Variants in MOB1B observed in about 807,000 individuals in gnomAD.
MOB1B encodes MOB kinase activator 1B, also known as MOB1 Mps One Binder homolog B.
MOB1B carries 19 observed loss-of-function variants against 24.4 expected under a neutral mutation model. The observed-to-expected ratio is 0.78, with a 90% CI of 0.54 to 1.14. The LOEUF (loss-of-function observed/expected upper bound fraction) is 1.14. MOB1B is among the 50% of genes most tolerant of loss of function. The pLI, the probability that MOB1B is intolerant of heterozygous loss-of-function variation, is 0.00. For missense variants in MOB1B, 243 were observed against 259.6 expected (o/e 0.94, Z 0.44); for synonymous variants, 76 against 82.1 (o/e 0.93, Z 0.40).
At chr4:70,928,441 G>A (rs1004463652) in intron 1 of MOB1B, among the ~76,000 whole-genome samples, 4 of 151,716 alleles carry the variant, frequency 2.6e-5, no homozygotes, top group African/African-American at 9.7e-5. Context: ...GATTACAGGC[G>A]CGTGCCACCA....
At position 70,982,831 on chromosome 4, in the gene MOB1B, T is replaced by G. The variant is rs1392017744; in HGVS notation, c.*774T>G. On this transcript the variant is annotated 3_prime_UTR_variant, in exon 6 of 6. Coordinates refer to ENST00000309395, the MANE Select transcript of MOB1B (RefSeq NM_173468.4). ...TGCACTGTAGATGTAAAAATTCAGG[T>G]TATATATAGGATTGCCATCTTCAGA... 1 of 152,544 alleles carries G rather than the reference T, an allele frequency of 6.6e-6. No individual in the cohort carries two copies. The highest frequency in any genetic ancestry group is 2.4e-5 in the African/African-American group (1 of 41,442). The allele number at this position is 152,544 out of a possible 1,614,324, so 9.4% of individuals were successfully genotyped here. A position where few individuals can be genotyped will look rare whatever the true frequency, so the allele number is the denominator to read the frequency against.
intron 4 of MOB1B, among the ~76,000 whole-genome samples, chr4:70,977,210 ATTTG>A (rs1392443653): frequency 6.6e-6 from 1 of 152,064 alleles, no homozygotes; most frequent in African/African-American, 2.4e-5. Context: ...AATCTTTTAT[ATTTG>A]TTTTATTTGT....
intron 1 of MOB1B, among the ~76,000 whole-genome samples, chr4:70,905,828 G>A (rs1287289751): frequency 1.3e-5 from 2 of 152,036 alleles, no homozygotes; most frequent in Non-Finnish European, 2.9e-5. Context: ...ACTTTGGGAG[G>A]CTGAGGTGAG....
intron 1 of MOB1B, among the ~76,000 whole-genome samples, chr4:70,946,765 C>T (rs910850241): frequency 6.6e-6 from 1 of 151,468 alleles, no homozygotes; most frequent in African/African-American, 2.4e-5. Flanking sequence ...GTGCTTTTTC[C>T]AAAGAGGGTT....
intron 1 of MOB1B, among the ~76,000 whole-genome samples, chr4:70,910,461 G>A (rs900252808): frequency 6.6e-6 from 1 of 151,324 alleles, no homozygotes; most frequent in Non-Finnish European, 1.5e-5. Flanking sequence ...ATGTGTGTAT[G>A]TATATCTATA....
rs1739290880 is a variant in MOB1B, at chr4:70,983,706, C to T, written c.*1649C>T. The T allele has an allele frequency of 6.6e-6, 1 of 152,512 alleles. No individual in the cohort carries two copies. Among genetic ancestry groups the T allele is most frequent in the Non-Finnish European group, 1.5e-5 (1 of 67,972 alleles). The allele number at this position is 152,512 out of a possible 1,614,324, so 9.4% of individuals were successfully genotyped here. On this transcript the variant is annotated 3_prime_UTR_variant, in exon 6 of 6. Transcript: ENST00000309395. The stretch of plus-strand genomic sequence containing the variant: ...AATTTGTTTTGCCATTAAAGTAGAG[C>T]AGTGATACAATTTAATGCCATTACA...
rs1422640602 is a variant in MOB1B at position 70,918,958 on chromosome 4, C to G, written c.14+16408C>G. 2.6e-5 allele frequency among the ~76,000 whole-genome samples: 4 copies of G among 151,844 alleles called. No homozygotes were observed. The East Asian group carries it at 5.9e-4, about 22-fold the overall frequency. ...ATTAAGAAAATGTGGCACATATACA[C>G]CATGGAATACTATGCAGCCATAAAA... On this transcript the variant is annotated intron_variant, in intron 1 of 5. Coordinates refer to ENST00000309395, the MANE Select transcript of MOB1B (RefSeq NM_173468.4).
chr4:70,966,110 T>C (rs1400012688), intron 2 of MOB1B, among the ~76,000 whole-genome samples: 3 of 152,196 alleles, frequency 2.0e-5, no homozygotes, highest in African/African-American at 7.2e-5. Flanking sequence ...GAAAGGGAAC[T>C]AGGTCATCTA....
At chr4:70,914,507 C>G (rs1301259109) in intron 1 of MOB1B, among the ~76,000 whole-genome samples, 1 of 152,184 alleles carries the variant, frequency 6.6e-6, no homozygotes, top group African/African-American at 2.4e-5. Context: ...AAACCAAAAT[C>G]TAGGTGTAGG....
chr4:70,927,539 C>CA (rs111980845), intron 1 of MOB1B, among the ~76,000 whole-genome samples: 2,932 of 140,286 alleles, frequency 0.021, 75 homozygotes, highest in African/African-American at 0.066. Flanking sequence ...GAATCTGTCT[C>CA]AAAAAAAAAA....
At chr4:70,967,863 G>A (rs1738597297) in intron 2 of MOB1B, among the ~76,000 whole-genome samples, 1 of 151,950 alleles carries the variant, frequency 6.6e-6, no homozygotes, top group Admixed American at 6.6e-5. Context: ...GTTTTGCCCT[G>A]TCATCCAGGT....
intron 1 of MOB1B, among the ~76,000 whole-genome samples, chr4:70,912,802 C>T (rs1051103412): frequency 3.3e-5 from 5 of 152,152 alleles, no homozygotes; most frequent in Admixed American, 1.3e-4. Context: ...GCTCTGTTGC[C>T]GAGGCTGCAG....
At chr4:70,935,358 A>C (rs1173143020) in intron 1 of MOB1B, among the ~76,000 whole-genome samples, 1 of 152,234 alleles carries the variant, frequency 6.6e-6, no homozygotes, top group East Asian at 1.9e-4. Context: ...GAAGACACAC[A>C]AAGTAAAAAA....
chr4:70,918,518 C>T (rs1736286455), intron 1 of MOB1B, among the ~76,000 whole-genome samples: 2 of 151,746 alleles, frequency 1.3e-5, no homozygotes, highest in African/African-American at 4.8e-5. Context: ...ATGTCCTTTG[C>T]CCACTTTTTG....
intron 1 of MOB1B, among the ~76,000 whole-genome samples, chr4:70,955,357 T>G (rs1737996601): frequency 6.6e-6 from 1 of 152,028 alleles, no homozygotes; most frequent in Non-Finnish European, 1.5e-5. Context: ...TAACACTTTG[T>G]CTGAAGATTT....
chr4:70,913,937 A>G (rs1224214239), intron 1 of MOB1B, among the ~76,000 whole-genome samples: 3 of 151,258 alleles, frequency 2.0e-5, no homozygotes, highest in Admixed American at 6.6e-5. Context: ...TTTAATACCA[A>G]TGTGTGCTGT....
In MOB1B at chr4:70,914,922, G is replaced by A. The variant is rs190706313; in HGVS notation, c.14+12372G>A. On this transcript the variant is annotated intron_variant, in intron 1 of 5. Transcript: ENST00000309395. Reference sequence around the variant, plus strand: ...GATGAAAGCAGTCTGAGATTCAGCTGTGTGTGGTACATGTGTGACAGTAAT... The same window carrying A: ...GATGAAAGCAGTCTGAGATTCAGCTATGTGTGGTACATGTGTGACAGTAAT... Among the ~76,000 whole-genome samples, 33 of 152,300 alleles carry A rather than the reference G, an allele frequency of 2.2e-4. 1 individual carries two copies. The highest frequency in any genetic ancestry group is 2.0e-3 in the Admixed American group (31 of 15,298).
intron 1 of MOB1B, among the ~76,000 whole-genome samples, chr4:70,934,791 T>C (rs1737018661): frequency 6.6e-6 from 1 of 152,116 alleles, no homozygotes; most frequent in African/African-American, 2.4e-5. Flanking sequence ...TATGCATAAC[T>C]TGATGCTGTC....
Position 70,934,568 on chromosome 4 carries a change from C to T in MOB1B, c.15-24306C>T, listed in dbSNP as rs1737010788. 2.6e-5 allele frequency among the ~76,000 whole-genome samples: 4 copies of T among 152,006 alleles called. No homozygotes were observed. The South Asian group carries it at 8.3e-4, about 32-fold the overall frequency. On this transcript the variant is annotated intron_variant, in intron 1 of 5. Transcript: ENST00000309395. ...TTCCAGATTCAAGTGATTCTTCTGC[C>T]TCAGCCTCCCGAGTAGCTGGGATTA...
Sources: allele counts gnomAD v4.1 joint callset (sites outside exome capture counted in the v4.1 genomes callset), GRCh38; gene constraint gnomAD v4.1.1; transcripts MANE v1.5; gene names NCBI Gene and HGNC (gene_info 2026-07-23, HGNC 2026-07-21).